Variants in GALNT6 observed in about 807,000 individuals in gnomAD.
GALNT6 encodes polypeptide N-acetylgalactosaminyltransferase 6.
Under a neutral mutation model 65.9 loss-of-function variants are expected in GALNT6, and 51 were observed. That is an observed-to-expected ratio of 0.77 (90% CI 0.62 to 0.98). The LOEUF is 0.98. Ranked by LOEUF, GALNT6 falls within the 50% of genes least tolerant of loss-of-function variation. GALNT6 has a pLI of 0.00. For missense variants in GALNT6, 708 were observed against 803.3 expected, an observed-to-expected ratio of 0.88 and a Z score of 1.43; for synonymous variants, 323 against 315.1, an observed-to-expected ratio of 1.02 and a Z score of -0.26.
intron 2 of GALNT6, among the ~76,000 whole-genome samples, chr12:51,388,692 T>C (rs899320023): frequency 6.6e-6 from 1 of 152,234 alleles, no homozygotes; most frequent in African/African-American, 2.4e-5. Context: ...ACCTAGATCC[T>C]ATTTCCTTCT....
rs1196073826 is a variant in GALNT6 at position 51,352,668 on chromosome 12, G to A, written c.*1711C>T. The A allele has an allele frequency of 6.6e-6, 1 of 152,056 alleles. No individual in the cohort carries two copies. The highest frequency in any genetic ancestry group is 2.4e-5 in the African/African-American group (1 of 41,378). 9.4% of individuals were successfully genotyped at this position (152,056 alleles called of 1,614,324 possible). A position where few individuals can be genotyped will look rare whatever the true frequency, so the allele number is the denominator to read the frequency against. ...CTCTCCACAATGGCTACCTGGCCCT[G>A]TTTTTCCTTTCTTTTTTTTGGAGAT... is the stretch of plus-strand genomic sequence containing the variant. On this transcript the variant is annotated 3_prime_UTR_variant, in exon 12 of 12. Coordinates refer to ENST00000356317, the MANE Select transcript of GALNT6 (RefSeq NM_007210.4).
chr12:51,380,663 T>C (rs1947636977), intron 2 of GALNT6, among the ~76,000 whole-genome samples: 1 of 152,176 alleles, frequency 6.6e-6, no homozygotes, highest in South Asian at 2.1e-4. Context: ...TGGTAGCGCA[T>C]GCCTGTAATC....
chr12:51,371,106 G>A (rs1027291206), intron 4 of GALNT6, among the ~76,000 whole-genome samples: 7 of 142,812 alleles, frequency 4.9e-5, no homozygotes, highest in Non-Finnish European at 7.8e-5. Flanking sequence ...TATTTGAGAT[G>A]GAGTTTTGCT....
At position 51,354,103 on chromosome 12, in the gene GALNT6, C is replaced by T. The variant is rs1253724537; in HGVS notation, c.*276G>A. The T allele has an allele frequency of 2.8e-6, 1 of 355,280 alleles. No homozygotes were observed. Among genetic ancestry groups the T allele is most frequent in the Non-Finnish European group, 5.0e-6 (1 of 199,960 alleles). 22.0% of individuals were successfully genotyped at this position (355,280 alleles called of 1,614,324 possible). On this transcript the variant is annotated 3_prime_UTR_variant, in exon 12 of 12. Coordinates refer to ENST00000356317, the MANE Select transcript of GALNT6 (RefSeq NM_007210.4). ...GAACTCAGCATTGCTGCCCTGAACC[C>T]TCCCCCAGCTGCCTTCCCTACTTTG...
intron 4 of GALNT6, among the ~76,000 whole-genome samples, chr12:51,373,608 C>A (rs1212333490): frequency 6.6e-6 from 1 of 152,136 alleles, no homozygotes; most frequent in Non-Finnish European, 1.5e-5. Flanking sequence ...AAAGAGCTTC[C>A]GAAGGATGGG....
intron 4 of GALNT6, among the ~76,000 whole-genome samples, chr12:51,373,859 T>G (rs1430127840): frequency 6.6e-6 from 1 of 152,156 alleles, no homozygotes; most frequent in Admixed American, 6.5e-5. Flanking sequence ...TGCCTTGATT[T>G]ATTTATTATT....
Position 51,387,973 on chromosome 12 carries a change from TGTACCATCCCCTGGGCTCAGG to T in GALNT6, c.-104+2856_-104+2876del, listed in dbSNP as rs1483092558. ...TCACCCGGGGCCACTGGCTACTCAA[TGTACCATCCCCTGGGCTCAGG>T]GTCTGTGCCCAGCCTCCTCTGCTAG... On this transcript the variant is annotated intron_variant, in intron 2 of 11. Transcript: ENST00000356317. The surrounding 1 kb of genome is among the most constrained non-coding windows in gnomAD (Gnocchi z 4.2). 6.6e-6 allele frequency among the ~76,000 whole-genome samples: 1 copy of T among 152,174 alleles called. No homozygotes were observed. Among genetic ancestry groups the T allele is most frequent in the Admixed American group, 6.5e-5 (1 of 15,272 alleles).
intron 3 of GALNT6, among the ~76,000 whole-genome samples, chr12:51,378,441 G>A (rs541182325): frequency 6.6e-6 from 1 of 152,090 alleles, no homozygotes; most frequent in Non-Finnish European, 1.5e-5. Context: ...ATAGGCATGA[G>A]CCACTGTGCC....
At chr12:51,383,836 T>C (rs1720222337) in intron 2 of GALNT6, among the ~76,000 whole-genome samples, 1 of 152,118 alleles carries the variant, frequency 6.6e-6, no homozygotes, top group South Asian at 2.1e-4. Context: ...CACAGGACTT[T>C]GGGGTTAAGG....
intron 2 of GALNT6, among the ~76,000 whole-genome samples, chr12:51,390,162 T>TC (rs1565741219): frequency 1.2e-4 from 14 of 113,380 alleles, no homozygotes; most frequent in Admixed American, 3.4e-4. Context: ...CTTTCTTTTT[T>TC]TTTTTTTTTT....
intron 7 of GALNT6, 131 bp downstream of exon 7, chr12:51,360,590 A>G (rs1946887850): frequency 5.9e-6 from 4 of 678,590 alleles, no homozygotes; most frequent in Admixed American, 2.1e-5. Flanking sequence ...GAAGAGACAC[A>G]CTGGGAAATA....
chr12:51,386,554 T>C (rs1244632603), intron 2 of GALNT6, among the ~76,000 whole-genome samples: 2 of 152,208 alleles, frequency 1.3e-5, no homozygotes, highest in African/African-American at 4.8e-5. Context: ...TCAGGTGAGC[T>C]GGTCACCTCC....
rs1209031778 is a variant in GALNT6 at position 51,387,968 on chromosome 12, C to T, written c.-104+2882G>A. 6.6e-6 allele frequency among the ~76,000 whole-genome samples: 1 copy of T among 152,178 alleles called. No individual in the cohort carries two copies. Among genetic ancestry groups the T allele is most frequent in the Non-Finnish European group, 1.5e-5 (1 of 68,032 alleles). On this transcript the variant is annotated intron_variant, in intron 2 of 11. Transcript: ENST00000356317. The surrounding 1 kb of genome is among the most constrained non-coding windows in gnomAD (Gnocchi z 4.2). ...AACTTTCACCCGGGGCCACTGGCTACTCAATGTACCATCCCCTGGGCTCAG... is the reference window on the plus strand; with the variant it reads ...AACTTTCACCCGGGGCCACTGGCTATTCAATGTACCATCCCCTGGGCTCAG...
chr12:51,381,820 T>C (rs1947682280), intron 2 of GALNT6, among the ~76,000 whole-genome samples: 1 of 152,270 alleles, frequency 6.6e-6, no homozygotes, highest in African/African-American at 2.4e-5. Context: ...CTATTTCTAT[T>C]ATTATGATAA....
rs543795671 is a variant in GALNT6, at chr12:51,390,311, T to G, written c.-104+539A>C. On this transcript the variant is annotated intron_variant, in intron 2 of 11. Transcript: ENST00000356317. ...CCAAGTAGCTGGAATTACAGGCGCC[T>G]GCCACCATGCCCGGCTAACTTTTTG... Among the ~76,000 whole-genome samples the G allele has an allele frequency of 3.3e-5, 5 of 151,980 alleles. No homozygotes were observed. In the South Asian group the frequency reaches 8.3e-4, roughly 25 times the overall value.
chr12:51,377,328 G>A lies in GALNT6; in HGVS notation c.531C>T (p.Ala177=). The change falls in exon 4 of 12, where the codon GCC becomes GCT. Residue 177 remains alanine (A), a synonymous_variant. Coordinates refer to ENST00000356317, the MANE Select transcript of GALNT6 (RefSeq NM_007210.4). ...DQKFRRCPPL[A]TTSVIIVFHN... The stretch of plus-strand genomic sequence containing the variant: ...GGAACACAATGATCACGCTGGTGGT[G>A]GCCAGTGGGGGGCAGCGCCGGAACT... The A allele has an allele frequency of 6.2e-7, 1 of 1,612,846 alleles. No homozygotes were observed. The highest frequency in any genetic ancestry group is 8.5e-7 in the Non-Finnish European group (1 of 1,180,002).
At chr12:51,364,910 T>A (rs137965718) in intron 5 of GALNT6, among the ~76,000 whole-genome samples, 1 of 152,330 alleles carries the variant, frequency 6.6e-6, no homozygotes, top group East Asian at 1.9e-4. Context: ...AGGCTGTTAG[T>A]GGGGCAGGGT....
At chr12:51,367,219 T>A (rs1057453851) in intron 4 of GALNT6, among the ~76,000 whole-genome samples, 25 of 151,862 alleles carry the variant, frequency 1.6e-4, no homozygotes, top group Non-Finnish European at 4.4e-5. Flanking sequence ...ATTGCACCAT[T>A]GCACTCCAGC....
chr12:51,358,928 C>T (rs770217458), intron 8 of GALNT6, among the ~76,000 whole-genome samples: 2 of 152,192 alleles, frequency 1.3e-5, no homozygotes, highest in Non-Finnish European at 2.9e-5. Context: ...TGCAGAGACT[C>T]TATGCGTAGG....
Sources: allele counts gnomAD v4.1 joint callset (sites outside exome capture counted in the v4.1 genomes callset), GRCh38; gene constraint gnomAD v4.1.1; non-coding constraint Gnocchi (gnomAD v3.1); transcripts MANE v1.5; gene names NCBI Gene and HGNC (gene_info 2026-07-23, HGNC 2026-07-21).